Variants in N4BP2L2 observed in about 807,000 individuals in gnomAD.
The protein encoded by N4BP2L2 is NEDD4-binding protein 2-like 2.
Under a neutral mutation model 56.2 loss-of-function variants are expected in N4BP2L2, and 50 were observed. The ratio of observed to expected loss-of-function variants is 0.89; its 90% confidence interval spans 0.71 to 1.13. N4BP2L2 has a LOEUF of 1.13. N4BP2L2 is among the 50% of genes most tolerant of loss of function. The pLI is 0.00. For missense variants in N4BP2L2, 689 were observed against 693.8 expected (o/e 0.99, Z 0.08); for synonymous variants, 203 against 223.6 (o/e 0.91, Z 0.82).
At chr13:32,490,354 G>C (rs2086795352) in intron 6 of N4BP2L2, among the ~76,000 whole-genome samples, 3 of 152,074 alleles carry the variant, frequency 2.0e-5, no homozygotes, top group Admixed American at 6.6e-5. Flanking sequence ...ACCCAGGCTG[G>C]AGTGCAGTGG....
chr13:32,517,659 G>A (rs2049532811), exon 6 of N4BP2L2: 1 of 1,415,046 alleles, frequency 7.1e-7, no homozygotes, highest in Non-Finnish European at 9.2e-7. Flanking sequence ...TTAACAACTT[G>A]CTGGGAATTT....
chr13:32,485,419 A>C (rs182005810), intron 6 of N4BP2L2, among the ~76,000 whole-genome samples: 2 of 152,368 alleles, frequency 1.3e-5, no homozygotes, highest in Non-Finnish European at 2.9e-5. Context: ...TAGAAGAGGA[A>C]GGAATACTTC....
At chr13:32,472,640 T>G (rs1282811474) in intron 6 of N4BP2L2, among the ~76,000 whole-genome samples, 1 of 152,120 alleles carries the variant, frequency 6.6e-6, no homozygotes, top group Non-Finnish European at 1.5e-5. Flanking sequence ...ATTCAAAGTT[T>G]TGTATTCTGA....
chr13:32,441,862 T>C (rs1453746013), intron 7 of N4BP2L2, among the ~76,000 whole-genome samples: 1 of 149,048 alleles, frequency 6.7e-6, no homozygotes, highest in East Asian at 2.0e-4. Context: ...GCTAACATGG[T>C]GAAACCTCGT....
chr13:32,471,814 C>A (rs1017244213), intron 6 of N4BP2L2, among the ~76,000 whole-genome samples: 1 of 152,246 alleles, frequency 6.6e-6, no homozygotes, highest in African/African-American at 2.4e-5. Flanking sequence ...CTGCCTACAG[C>A]CCCTTGAGTG....
chr13:32,532,878 C>T (rs1375981518), intron 2 of N4BP2L2, among the ~76,000 whole-genome samples: 4 of 137,246 alleles, frequency 2.9e-5, no homozygotes, highest in South Asian at 2.3e-4. Context: ...GGTGAGCCAC[C>T]GGCACCCGGC....
At chr13:32,432,935 A>G (rs1333389037) in exon 10 of N4BP2L2, 1 of 152,254 alleles carries the variant, frequency 6.6e-6, no homozygotes, top group African/African-American at 2.4e-5. Context: ...CTCCGTGATC[A>G]TGATCTTCAG....
chr13:32,439,487 C>A (rs1043818289), intron 7 of N4BP2L2, among the ~76,000 whole-genome samples: 1 of 152,102 alleles, frequency 6.6e-6, no homozygotes, highest in African/African-American at 2.4e-5. Flanking sequence ...GATTGCTAAT[C>A]TTTTTGCATC....
At chr13:32,518,689 A>T (rs887645466) in intron 5 of N4BP2L2, among the ~76,000 whole-genome samples, 2 of 152,208 alleles carry the variant, frequency 1.3e-5, no homozygotes, top group Admixed American at 6.5e-5. Context: ...CAGGCAAAAC[A>T]ATGGCTACCT....
chr13:32,441,926 A>AAT (rs1384394240), intron 7 of N4BP2L2, among the ~76,000 whole-genome samples: 1 of 134,334 alleles, frequency 7.4e-6, no homozygotes, highest in African/African-American at 2.6e-5. Flanking sequence ...TAAATAAATA[A>AAT]ATAGCCGGGC....
exon 1 of N4BP2L2, chr13:32,538,726 G>C (rs1053826513): frequency 7.1e-6 from 7 of 985,330 alleles, no homozygotes; most frequent in African/African-American, 1.7e-5. Flanking sequence ...CTAAAGCCGA[G>C]GTCTGGAGGG....
chr13:32,522,334 CATTT>C (rs1442283628), intron 3 of N4BP2L2, 64 bp from the exon 4 acceptor site: 2 of 1,085,964 alleles, frequency 1.8e-6, no homozygotes, highest in Non-Finnish European at 1.3e-6. Flanking sequence ...AAAAGTTAAA[CATTT>C]ATTATTAAGA....
exon 6 of N4BP2L2, chr13:32,512,862 T>A (rs2048414346): frequency 6.6e-6 from 1 of 152,194 alleles, no homozygotes; most frequent in Admixed American, 6.5e-5. Context: ...AAACCCCGTC[T>A]CTATTAAAAA....
downstream of N4BP2L2, chr13:32,508,646 AATGACCC>A: frequency 6.6e-6 from 1 of 152,220 alleles, no homozygotes; most frequent in Non-Finnish European, 1.5e-5. Context: ...AAAGCCAAAT[AATGACCC>A]AATATATATT....
rs560222831 is a variant in N4BP2L2, at chr13:32,442,391, T to C, written c.2101A>G (p.Met701Val). ...TTAGCAAAAGAAAACAACTTACCCATTGGAACGCCTGGAGATCCAAAAAGC... is the reference window on the plus strand; with the variant it reads ...TTAGCAAAAGAAAACAACTTACCCACTGGAACGCCTGGAGATCCAAAAAGC... The change falls in exon 7 of 10, where the codon ATG (methionine) becomes GTG (valine). Residue 701 changes from methionine (M) to valine (V), a missense_variant. By Grantham distance (21) the Met-to-Val change is conservative (BLOSUM62 1). Transcript: ENST00000357505. The C allele has an allele frequency of 1.4e-5, 22 of 1,576,880 alleles. 1 individual carries two copies. In the Admixed American group the frequency reaches 3.5e-4, roughly 25 times the overall value.
exon 7 of N4BP2L2, chr13:32,443,635 T>G: frequency 6.2e-7 from 1 of 1,611,522 alleles, no homozygotes; most frequent in Non-Finnish European, 8.5e-7. Context: ...GGTATGCCTA[T>G]TTCTAATATG....
At chr13:32,458,282 G>T (rs909335270) in intron 6 of N4BP2L2, among the ~76,000 whole-genome samples, 4 of 152,290 alleles carry the variant, frequency 2.6e-5, no homozygotes, top group African/African-American at 9.6e-5. Context: ...AGCCAGGATG[G>T]TCTCAATCTC....
chr13:32,447,247 G>T (rs1391917437), intron 6 of N4BP2L2, among the ~76,000 whole-genome samples: 3 of 152,068 alleles, frequency 2.0e-5, no homozygotes, highest in Admixed American at 6.6e-5. Flanking sequence ...AATCAAAAAA[G>T]AAACAACAAG....
At chr13:32,526,818 G>GTTTTTTTTCTTTT (rs2053007178) in intron 3 of N4BP2L2, 3 of 24,232 alleles carry the variant, frequency 1.2e-4, no homozygotes, top group Non-Finnish European at 1.6e-4. Context: ...CTTTTTGTCT[G>GTTTTTTTTCTTTT]TTTTTTTTTT....
Sources: gnomAD v4.1 joint callset for allele counts (sites outside exome capture counted in the v4.1 genomes callset) on GRCh38, gnomAD v4.1.1 for gene constraint, MANE v1.5 for transcripts, NCBI Gene and HGNC (gene_info 2026-07-23, HGNC 2026-07-21) for gene names.